Variants in DRG1 observed in about 807,000 individuals in gnomAD.
DRG1 encodes the protein developmentally-regulated GTP-binding protein 1.
A neutral mutation model predicts 38.8 loss-of-function variants in DRG1; 19 were observed. That is an observed-to-expected ratio of 0.49 (90% CI 0.34 to 0.72). The LOEUF (loss-of-function observed/expected upper bound fraction) is 0.72. Among genes scored for constraint, DRG1 ranks in the 30% least tolerant of loss-of-function variants. DRG1 has a pLI of 0.01. For missense variants in DRG1, 299 were observed against 444.8 expected (o/e 0.67, Z 2.95); for synonymous variants, 167 against 157.5 (o/e 1.06, Z -0.45).
chr22:31,430,821 C>T (rs1406869393), intron 8 of DRG1, among the ~76,000 whole-genome samples: 1 of 152,008 alleles, frequency 6.6e-6, no homozygotes, highest in Non-Finnish European at 1.5e-5. Context: ...CAGGCTCAAG[C>T]GATCCTCCTA....
chr22:31,420,323 A>C lies in DRG1; in HGVS notation c.480A>C (p.Ile160=), dbSNP rs2050069735. The change falls in exon 5 of 9, where the codon ATA becomes ATC. Residue 160 remains isoleucine (I), a synonymous_variant. Coordinates refer to ENST00000331457, the MANE Select transcript of DRG1 (RefSeq NM_004147.4). ...DVLKPLGHKK[I]IENELEGFGI... Reference sequence around the variant, plus strand: ...TGAAACCTTTGGGACATAAGAAGATAATTGAAAATGAGCTGGAAGGCTTTG... The same window carrying C: ...TGAAACCTTTGGGACATAAGAAGATCATTGAAAATGAGCTGGAAGGCTTTG... 6.2e-7 allele frequency: 1 copy of C among 1,614,190 alleles called. No homozygotes were observed. Among genetic ancestry groups the C allele is most frequent in the East Asian group, 2.2e-5 (1 of 44,878 alleles).
chr22:31,419,159 C>T (rs1042572728), intron 4 of DRG1, among the ~76,000 whole-genome samples: 7 of 151,766 alleles, frequency 4.6e-5, no homozygotes, highest in Non-Finnish European at 8.8e-5. Flanking sequence ...AGAAAAAGGC[C>T]AGATACTGTG....
At chr22:31,414,498 A>G (rs778564391) in intron 4 of DRG1, among the ~76,000 whole-genome samples, 2 of 152,066 alleles carry the variant, frequency 1.3e-5, no homozygotes, top group Non-Finnish European at 2.9e-5. Flanking sequence ...CCCATCCTCA[A>G]CTTGCTCTTC....
chr22:31,417,367 G>A (rs997585675), intron 4 of DRG1, among the ~76,000 whole-genome samples: 2 of 149,908 alleles, frequency 1.3e-5, no homozygotes, highest in Non-Finnish European at 3.0e-5. Flanking sequence ...AAGACTCTGT[G>A]TCAAAAAATA....
chr22:31,426,247 G>A (rs1385740829), intron 6 of DRG1, among the ~76,000 whole-genome samples: 1 of 152,088 alleles, frequency 6.6e-6, no homozygotes, highest in East Asian at 1.9e-4. Flanking sequence ...AAATGGTATA[G>A]TACAGCTGAC....
intron 3 of DRG1, among the ~76,000 whole-genome samples, chr22:31,410,070 C>T (rs2050010137): frequency 6.6e-6 from 1 of 152,090 alleles, no homozygotes; most frequent in African/African-American, 2.4e-5. Context: ...CCTATTAGGA[C>T]TATGACTTTG....
Position 31,434,190 on chromosome 22 carries a change from CAT to C in DRG1, c.*220_*221del, listed in dbSNP as rs2050159149. ...GTAGGCTGGTCAGCTACATGCAGCT[CAT>C]GTGTCATTGTCAGAATTTGTTTTGG... On this transcript the variant is annotated 3_prime_UTR_variant, in exon 9 of 9. Coordinates refer to ENST00000331457, the MANE Select transcript of DRG1 (RefSeq NM_004147.4). 2.0e-5 allele frequency: 10 copies of C among 508,108 alleles called. No individual in the cohort carries two copies. Among genetic ancestry groups the C allele is most frequent in the East Asian group, 1.1e-4 (3 of 28,180 alleles). The allele number at this position is 508,108 out of a possible 1,614,324, so 31.5% of individuals were successfully genotyped here.
intron 4 of DRG1, 88 bp downstream of exon 4, chr22:31,411,169 A>G: frequency 3.5e-6 from 5 of 1,409,944 alleles, no homozygotes; most frequent in Non-Finnish European, 5.0e-6. Flanking sequence ...CTTGGAGATT[A>G]TACCACAGTG....
Position 31,428,543 on chromosome 22 carries a change from C to A in DRG1, c.1004+1361C>A, listed in dbSNP as rs569510174. Reference sequence around the variant, plus strand: ...TTTCCTTTTATCTCTCACCCCACTTCTAATGTTAACAGCTCACATTACTAT... The same window carrying A: ...TTTCCTTTTATCTCTCACCCCACTTATAATGTTAACAGCTCACATTACTAT... On this transcript the variant is annotated intron_variant, in intron 8 of 8. Coordinates refer to ENST00000331457, the MANE Select transcript of DRG1 (RefSeq NM_004147.4). 3.9e-5 allele frequency among the ~76,000 whole-genome samples: 6 copies of A among 152,336 alleles called. No homozygotes were observed. In the South Asian group the frequency reaches 1.2e-3, roughly 32 times the overall value.
chr22:31,400,525 T>C (rs1167465873), intron 1 of DRG1, 95 bp from the exon 2 acceptor site: 18 of 1,522,512 alleles, frequency 1.2e-5, no homozygotes, highest in Non-Finnish European at 1.5e-5. Context: ...CTGGGTGTGC[T>C]AACATTAGTA....
intron 3 of DRG1, among the ~76,000 whole-genome samples, chr22:31,405,076 C>T (rs2049981878): frequency 6.6e-6 from 1 of 151,946 alleles, no homozygotes; most frequent in African/African-American, 2.4e-5. Flanking sequence ...TTAGTTGCTA[C>T]ATTTAAATTC....
intron 6 of DRG1, among the ~76,000 whole-genome samples, chr22:31,425,606 A>G (rs2050105727): frequency 6.6e-6 from 1 of 151,906 alleles, no homozygotes; most frequent in Non-Finnish European, 1.5e-5. Context: ...AAGCCAGGCT[A>G]ATTTTTGTAT....
chr22:31,406,454 CGTG>C (rs762772129), intron 3 of DRG1, among the ~76,000 whole-genome samples: 24 of 152,146 alleles, frequency 1.6e-4, no homozygotes, highest in Non-Finnish European at 2.4e-4. Context: ...AATTCTCTCT[CGTG>C]GTCTTTTTTT....
chr22:31,417,373 A>AAAT (rs985037350), intron 4 of DRG1, among the ~76,000 whole-genome samples: 61 of 151,534 alleles, frequency 4.0e-4, no homozygotes, highest in South Asian at 8.4e-4. Flanking sequence ...CTGTGTCAAA[A>AAAT]AATAATAATA....
Position 31,427,127 on chromosome 22 carries a change from A to G in DRG1, c.949A>G (p.Thr317Ala), listed in dbSNP as rs1487030051. Residue 317 changes from threonine (T) to alanine (A), a missense_variant, in exon 8 of 9, where the codon ACA (threonine) becomes GCA (alanine). Thr to Ala is a moderately conservative substitution (Grantham distance 58). Around this residue, in one of 3 missense-constraint regions of DRG1, gnomAD observed 198 missense variants for 268.1 expected, o/e 0.74. Transcript: ENST00000331457. ...SPVVLPYSRTTVEDFCMKIHK... is the reference protein window; with the variant it reads ...SPVVLPYSRTAVEDFCMKIHK... ...AGTGGTGCTTCCTTACTCCAGGACCACAGTGGAGGATTTCTGCATGAAGAT... is the reference window on the plus strand; with the variant it reads ...AGTGGTGCTTCCTTACTCCAGGACCGCAGTGGAGGATTTCTGCATGAAGAT... The G allele has an allele frequency of 1.2e-6, 2 of 1,614,068 alleles. No homozygotes were observed. The highest frequency in any genetic ancestry group is 2.7e-5 in the African/African-American group (2 of 74,940).
intron 3 of DRG1, among the ~76,000 whole-genome samples, chr22:31,410,172 C>A (rs891781631): frequency 1.3e-5 from 2 of 151,978 alleles, no homozygotes; most frequent in Non-Finnish European, 2.9e-5. Flanking sequence ...CATAAAAAGC[C>A]CGGCCTAGGT....
chr22:31,401,021 A>C (rs947856618), intron 2 of DRG1, among the ~76,000 whole-genome samples: 1 of 152,150 alleles, frequency 6.6e-6, no homozygotes, highest in East Asian at 1.9e-4. Context: ...TTTTCTAAGC[A>C]TGAATTCTTG....
Position 31,425,590 on chromosome 22 carries a change from G to A in DRG1, c.714-1025G>A, listed in dbSNP as rs367750016. On this transcript the variant is annotated intron_variant, in intron 6 of 8. Coordinates refer to ENST00000331457, the MANE Select transcript of DRG1 (RefSeq NM_004147.4). ...TGAGTAGCTGGGACTATGGGCGTGT[G>A]CCACCAAGCCAGGCTAATTTTTGTA... 9.2e-5 allele frequency among the ~76,000 whole-genome samples: 14 copies of A among 152,144 alleles called. No homozygotes were observed. In the South Asian group the frequency reaches 2.9e-3, roughly 32 times the overall value.
At chr22:31,420,815 G>T (rs778741603) in intron 5 of DRG1, among the ~76,000 whole-genome samples, 6 of 152,150 alleles carry the variant, frequency 3.9e-5, no homozygotes, top group Non-Finnish European at 5.9e-5. Flanking sequence ...GAAACCCCCT[G>T]CTTTTATATT....
Sources: gnomAD v4.1 joint callset for allele counts (sites outside exome capture counted in the v4.1 genomes callset) on GRCh38, gnomAD v4.1.1 for gene constraint, gnomAD v4.1.1 regional missense constraint, MANE v1.5 for transcripts, NCBI Gene and HGNC (gene_info 2026-07-23, HGNC 2026-07-21) for gene names.